Variants in ASB3 observed in about 807,000 individuals in gnomAD.
The protein encoded by ASB3 is ankyrin repeat and SOCS box containing 3.
A neutral mutation model predicts 54.5 loss-of-function variants in ASB3; 41 were observed. That is an observed-to-expected ratio of 0.75 (90% confidence interval 0.59 to 0.98). The LOEUF (loss-of-function observed/expected upper bound fraction) is 0.98, where lower values mean the gene tolerates loss of function less well. ASB3 is among the 50% of genes least tolerant of loss of function. The pLI is 0.00. For missense variants in ASB3, 733 were observed against 620.0 expected (o/e 1.18, Z -1.94); for synonymous variants, 266 against 221.2 (o/e 1.20, Z -1.80).
At chr2:53,701,512 G>C (rs986592870) in intron 7 of ASB3, among the ~76,000 whole-genome samples, 2 of 152,062 alleles carry the variant, frequency 1.3e-5, no homozygotes, top group Non-Finnish European at 2.9e-5. Context: ...AACACTTCAT[G>C]ATATAGCCAA....
At chr2:53,682,411 G>A (rs768881903) in intron 9 of ASB3, among the ~76,000 whole-genome samples, 1 of 151,944 alleles carries the variant, frequency 6.6e-6, no homozygotes, top group Non-Finnish European at 1.5e-5. Context: ...CTAATTCCTA[G>A]GTATTTTATT....
intron 9 of ASB3, among the ~76,000 whole-genome samples, chr2:53,680,207 G>A (rs1668294250): frequency 6.6e-6 from 1 of 152,174 alleles, no homozygotes; most frequent in African/African-American, 2.4e-5. Flanking sequence ...AGGAACATAT[G>A]TGTACATGTG....
intron 7 of ASB3, among the ~76,000 whole-genome samples, chr2:53,704,238 T>C (rs1669645388): frequency 6.6e-6 from 1 of 151,392 alleles, no homozygotes; most frequent in Non-Finnish European, 1.5e-5. Context: ...CATATGCCTG[T>C]AATCCCAGCT....
chr2:53,743,953 G>C (rs953876654), intron 3 of ASB3, among the ~76,000 whole-genome samples: 15 of 150,766 alleles, frequency 9.9e-5, no homozygotes, highest in Non-Finnish European at 4.4e-5. Context: ...TAAGGCACAA[G>C]AATCCCTTGA....
intron 2 of ASB3, among the ~76,000 whole-genome samples, chr2:53,753,348 G>C (rs1672631574): frequency 6.6e-6 from 1 of 152,146 alleles, no homozygotes. Flanking sequence ...TAAATAAACA[G>C]ATGGCAGATC....
At chr2:53,744,143 G>A (rs979824995) in intron 3 of ASB3, among the ~76,000 whole-genome samples, 4 of 151,830 alleles carry the variant, frequency 2.6e-5, no homozygotes, top group Admixed American at 6.6e-5. Flanking sequence ...TTGGGAAGCC[G>A]AGGCAGGTGG....
At position 53,732,207 on chromosome 2, in the gene ASB3, C is replaced by T. The variant is rs192918738; in HGVS notation, c.356-2637G>A. On this transcript the variant is annotated intron_variant, in intron 3 of 9. Coordinates refer to ENST00000263634, the MANE Select transcript of ASB3 (RefSeq NM_016115.5). ...CTCCTGGCCTCAGGTGATCCACCTC[C>T]GCCTCAGCCTCCCAAAGTGCTGGGA... 7.4e-3 allele frequency among the ~76,000 whole-genome samples: 1,100 copies of T among 148,792 alleles called. 15 individuals carry two copies. Among genetic ancestry groups the T allele is most frequent in the East Asian group, 0.07 (348 of 4,980 alleles).
chr2:53,749,648 A>G (rs1359571450), intron 3 of ASB3, among the ~76,000 whole-genome samples: 5 of 152,134 alleles, frequency 3.3e-5, no homozygotes. Flanking sequence ...GATTATTGAT[A>G]CATGCAACAA....
rs967910275 is a variant in ASB3, at chr2:53,776,167, A to C, written c.-13-10582T>G. Among the ~76,000 whole-genome samples, 39 of 152,330 alleles carry C rather than the reference A, an allele frequency of 2.6e-4. No homozygotes were observed. In the Middle Eastern group the frequency reaches 0.02, roughly 80 times the overall value. On this transcript the variant is annotated intron_variant, in intron 1 of 9. Transcript: ENST00000263634. ...AGTTTTTCACATAAAGCTGTCCTAC[A>C]TGTCCTTTTCATGTTTTCCTATTTA... is the stretch of plus-strand genomic sequence containing the variant.
chr2:53,744,902 T>C (rs1025290734), intron 3 of ASB3, among the ~76,000 whole-genome samples: 2 of 152,198 alleles, frequency 1.3e-5, no homozygotes, highest in Admixed American at 6.5e-5. Flanking sequence ...CAACACTATT[T>C]ATAAAACATT....
At chr2:53,713,925 T>A (rs181776173) in intron 7 of ASB3, among the ~76,000 whole-genome samples, 15,512 of 151,088 alleles carry the variant, frequency 0.1, 956 homozygotes, top group Non-Finnish European at 0.14. Context: ...AAAAAAAAAA[T>A]TTTTTTTAAT....
At chr2:53,730,753 T>C (rs1467215704) in intron 3 of ASB3, among the ~76,000 whole-genome samples, 1 of 152,218 alleles carries the variant, frequency 6.6e-6, no homozygotes, top group Admixed American at 6.5e-5. Context: ...TGCTGTGAGA[T>C]GGTATCTCAT....
At chr2:53,731,289 C>A (rs1425408508) in intron 3 of ASB3, among the ~76,000 whole-genome samples, 2 of 152,120 alleles carry the variant, frequency 1.3e-5, no homozygotes, top group Non-Finnish European at 2.9e-5. Context: ...GTAATCCTAG[C>A]TACTTGAGAG....
At chr2:53,781,281 G>A (rs1674629515) in intron 1 of ASB3, among the ~76,000 whole-genome samples, 1 of 151,918 alleles carries the variant, frequency 6.6e-6, no homozygotes, top group Admixed American at 6.6e-5. Flanking sequence ...GCGTGGTGGT[G>A]CACACCTGTA....
Position 53,750,944 on chromosome 2 carries a change from G to A in ASB3, c.197-3C>T. The A allele has an allele frequency of 6.5e-7, 1 of 1,533,662 alleles. No individual in the cohort carries two copies. On this transcript the variant is annotated splice_polypyrimidine_tract_variant and splice_region_variant and intron_variant, in intron 2 of 9. Coordinates refer to ENST00000263634, the MANE Select transcript of ASB3 (RefSeq NM_016115.5). The stretch of plus-strand genomic sequence containing the variant: ...CTTAATGTAGTTTTCAGATGAATCT[G>A]TGGAAGAATCAAAGCCCATCAACTA...
intron 9 of ASB3, among the ~76,000 whole-genome samples, chr2:53,682,814 T>C (rs932144018): frequency 1.3e-5 from 2 of 152,208 alleles, no homozygotes; most frequent in African/African-American, 4.8e-5. Flanking sequence ...CCAATTTTTG[T>C]ATGTTGATTT....
Position 53,714,552 on chromosome 2 carries a change from T to A in ASB3, c.812A>T (p.Asn271Ile). ...GTTTAGCCCAGTGTCACAGGCCCGGTTAGTAAGTGGTATTAACAAGTCCAA... is the reference window on the plus strand; with the variant it reads ...GTTTAGCCCAGTGTCACAGGCCCGGATAGTAAGTGGTATTAACAAGTCCAA... The part of the protein sequence containing the change: ...KILDLLIPLT[N>I]RACDTGLNKV... The change falls in exon 7 of 10, where the codon AAC becomes ATC. Residue 271 changes from asparagine (N) to isoleucine (I), a missense_variant. Physicochemically the swap from Asn to Ile is moderately radical, Grantham distance 149. Coordinates refer to ENST00000263634, the MANE Select transcript of ASB3 (RefSeq NM_016115.5). The A allele has an allele frequency of 1.9e-6, 3 of 1,614,148 alleles. No individual in the cohort carries two copies. Among genetic ancestry groups the A allele is most frequent in the Non-Finnish European group, 2.5e-6 (3 of 1,180,006 alleles).
At chr2:53,721,186 T>G (rs906056876) in intron 5 of ASB3, among the ~76,000 whole-genome samples, 4 of 150,158 alleles carry the variant, frequency 2.7e-5, no homozygotes, top group Non-Finnish European at 5.9e-5. Context: ...CCAACCATAC[T>G]CTCAGACCAC....
Position 53,729,128 on chromosome 2 carries a change from C to G in ASB3, c.469-281G>C, listed in dbSNP as rs559490942. Among the ~76,000 whole-genome samples the G allele has an allele frequency of 2.6e-5, 4 of 152,242 alleles. No individual in the cohort carries two copies. In the South Asian group the frequency reaches 8.3e-4, roughly 32 times the overall value. On this transcript the variant is annotated intron_variant, in intron 4 of 9. Coordinates refer to ENST00000263634, the MANE Select transcript of ASB3 (RefSeq NM_016115.5). ...AAAAATTAGCTTGCTAACCAAAGCACTAAGGAGCCATCACAATTTCTAAGC... is the reference window on the plus strand; with the variant it reads ...AAAAATTAGCTTGCTAACCAAAGCAGTAAGGAGCCATCACAATTTCTAAGC...
Sources: allele counts gnomAD v4.1 joint callset (sites outside exome capture counted in the v4.1 genomes callset), GRCh38; gene constraint gnomAD v4.1.1; transcripts MANE v1.5; gene names NCBI Gene and HGNC (gene_info 2026-07-23, HGNC 2026-07-21).